The following CPPED1 variants were observed in gnomAD, a reference collection of about 807,000 sequenced individuals.
CPPED1 encodes serine/threonine-protein phosphatase CPPED1.
In CPPED1, 28 loss-of-function variants were observed where a neutral mutation model predicts 28.0. The observed-to-expected ratio is 1.00, with a 90% CI of 0.74 to 1.37. CPPED1 has a LOEUF of 1.37. Among genes scored for constraint, CPPED1 ranks in the 40% most tolerant of loss-of-function variants. The pLI is 0.00. For synonymous variants in CPPED1, 198 were observed against 180.2 expected (o/e 1.10, Z -0.79); for missense variants, 504 against 416.5 (o/e 1.21, Z -1.83).
chr16:12,746,520 G>A (rs2080289461), intron 2 of CPPED1, among the ~76,000 whole-genome samples: 1 of 152,154 alleles, frequency 6.6e-6, no homozygotes, highest in African/African-American at 2.4e-5. Flanking sequence ...AAGGAAGGCT[G>A]GAAGCAGAAG....
intron 2 of CPPED1, among the ~76,000 whole-genome samples, chr16:12,744,708 T>C (rs1275851445): frequency 1.3e-5 from 2 of 152,114 alleles, no homozygotes; most frequent in African/African-American, 4.8e-5. Flanking sequence ...AAGCCAGGCG[T>C]GGTGACTCAC....
chr16:12,751,702 T>C (rs2141218879), intron 2 of CPPED1, among the ~76,000 whole-genome samples: 1 of 152,346 alleles, frequency 6.6e-6, no homozygotes. Flanking sequence ...CACATGCCCT[T>C]ATCCCTAACT....
At chr16:12,681,714 G>C (rs971611796) in intron 3 of CPPED1, among the ~76,000 whole-genome samples, 3 of 152,202 alleles carry the variant, frequency 2.0e-5, no homozygotes, top group East Asian at 1.9e-4. Flanking sequence ...AGAAAGAGTG[G>C]ATGGAAGAGG....
In CPPED1 at chr16:12,803,631, A is replaced by G. The variant is rs2080674307; in HGVS notation, c.70+76T>C. 9.5e-6 allele frequency: 12 copies of G among 1,268,952 alleles called. No individual in the cohort carries two copies. The South Asian group carries it at 1.3e-4, about 14-fold the overall frequency. 78.6% of individuals were successfully genotyped at this position (1,268,952 alleles called of 1,614,324 possible). Reference sequence around the variant, plus strand: ...ATGGTGTCCGACTGGCGGAGCGCACACCTGAACAAAAGGTTCCCCCGGCGG... The same window carrying G: ...ATGGTGTCCGACTGGCGGAGCGCACGCCTGAACAAAAGGTTCCCCCGGCGG... On this transcript the variant is annotated intron_variant, in intron 1 of 3. Transcript: ENST00000381774.
intron 2 of CPPED1, among the ~76,000 whole-genome samples, chr16:12,776,995 T>A (rs754022507): frequency 1.3e-5 from 2 of 152,224 alleles, no homozygotes; most frequent in Non-Finnish European, 2.9e-5. Context: ...GAGGCAATTA[T>A]TCTTTTTGCT....
At chr16:12,745,740 G>C (rs1430150362) in intron 2 of CPPED1, 1 of 152,172 alleles carries the variant, frequency 6.6e-6, no homozygotes. Flanking sequence ...TGAATACCTG[G>C]GTGATGTCAT....
At chr16:12,680,478 G>C (rs992548668) in intron 3 of CPPED1, among the ~76,000 whole-genome samples, 2 of 152,124 alleles carry the variant, frequency 1.3e-5, no homozygotes, top group Non-Finnish European at 2.9e-5. Context: ...GGGAGGTCAG[G>C]AGAGTTCAGA....
In CPPED1 at chr16:12,705,053, G is replaced by T. The variant is rs2080042604; in HGVS notation, c.290-4C>A. ...TGCTCCGTCCGCCACGGCTTCCCTG[G>T]AAGAGTGAGGGTCACGTCCTGAGAA... On this transcript the variant is annotated splice_polypyrimidine_tract_variant and splice_region_variant and intron_variant, in intron 2 of 3. Coordinates refer to ENST00000381774, the MANE Select transcript of CPPED1 (RefSeq NM_018340.3). 6.2e-7 allele frequency: 1 copy of T among 1,603,140 alleles called. No homozygotes were observed. Among genetic ancestry groups the T allele is most frequent in the Non-Finnish European group, 8.5e-7 (1 of 1,172,460 alleles).
chr16:12,734,074 T>TG (rs1567290025), intron 2 of CPPED1, among the ~76,000 whole-genome samples: 1 of 125,388 alleles, frequency 8.0e-6, no homozygotes, highest in East Asian at 2.2e-4. Context: ...TTTTTTTTTT[T>TG]TTTTTTTTTT....
intron 2 of CPPED1, among the ~76,000 whole-genome samples, chr16:12,758,865 C>A (rs2080389745): frequency 6.6e-6 from 1 of 151,840 alleles, no homozygotes; most frequent in Non-Finnish European, 1.5e-5. Context: ...ATGACAACAG[C>A]AACAACAAAA....
chr16:12,676,767 T>A (rs1275062732), intron 3 of CPPED1, among the ~76,000 whole-genome samples: 1 of 151,970 alleles, frequency 6.6e-6, no homozygotes, highest in African/African-American at 2.4e-5. Flanking sequence ...ATAATAATAA[T>A]GATGATAATA....
chr16:12,707,037 C>G (rs551052153), intron 2 of CPPED1, among the ~76,000 whole-genome samples: 84 of 152,242 alleles, frequency 5.5e-4, no homozygotes, highest in African/African-American at 1.9e-3. Flanking sequence ...CTTCTTTAGC[C>G]GAACCCGGAC....
chr16:12,701,455 A>G (rs192438043), intron 3 of CPPED1, among the ~76,000 whole-genome samples: 21 of 152,226 alleles, frequency 1.4e-4, no homozygotes, highest in Admixed American at 1.0e-3. Flanking sequence ...AATCACTTGA[A>G]CTTGGGAGGT....
chr16:12,751,682 A>C (rs1405121188), intron 2 of CPPED1, among the ~76,000 whole-genome samples: 1 of 152,170 alleles, frequency 6.6e-6, no homozygotes, highest in Admixed American at 6.5e-5. Context: ...TGTTCTTTGC[A>C]TTTTCTTGTC....
rs559785734 is a variant in CPPED1, at chr16:12,690,513, C to G, written c.715+14111G>C. Among the ~76,000 whole-genome samples the G allele has an allele frequency of 2.8e-5, 4 of 145,452 alleles. No homozygotes were observed. The South Asian group carries it at 9.1e-4, about 33-fold the overall frequency. Reference sequence around the variant, plus strand: ...TGGGCAATAGCGCAAGACTCCTTCTCAAGAAAGAAAGAAAAAAAAAAGGCC... The same window carrying G: ...TGGGCAATAGCGCAAGACTCCTTCTGAAGAAAGAAAGAAAAAAAAAAGGCC... On this transcript the variant is annotated intron_variant, in intron 3 of 3. Transcript: ENST00000381774.
intron 2 of CPPED1, among the ~76,000 whole-genome samples, chr16:12,750,198 G>A (rs973171531): frequency 2.0e-5 from 3 of 152,144 alleles, no homozygotes; most frequent in East Asian, 1.9e-4. Flanking sequence ...TAGAGGAATC[G>A]CTAGCACTTG....
At chr16:12,716,254 C>T (rs767456282) in intron 2 of CPPED1, among the ~76,000 whole-genome samples, 6 of 152,224 alleles carry the variant, frequency 3.9e-5, no homozygotes, top group Non-Finnish European at 7.3e-5. Context: ...TTAGCGCTAA[C>T]GCTGGTGCTG....
Position 12,670,831 on chromosome 16 carries a change from A to AT in CPPED1, c.716-5717dup. Among the ~76,000 whole-genome samples the AT allele has an allele frequency of 6.6e-6, 1 of 152,236 alleles. No homozygotes were observed. Among genetic ancestry groups the AT allele is most frequent in the African/African-American group, 2.4e-5 (1 of 41,550 alleles). On this transcript the variant is annotated intron_variant, in intron 3 of 3. Transcript: ENST00000381774. The surrounding 1 kb of genome is among the most constrained non-coding windows in gnomAD (Gnocchi z 4.2). ...AAATGTAAATGATCCATGTGTTTTTATTTTTTTAATTATTTATTTATTTTT... is the reference window on the plus strand; with the variant it reads ...AAATGTAAATGATCCATGTGTTTTTATTTTTTTTAATTATTTATTTATTTTT...
In CPPED1 at chr16:12,779,127, G is replaced by A. The variant is rs773062783; in HGVS notation, c.289+2058C>T. ...TCAGAACAAGTTGGTAAACATCTAC[G>A]AGAACATGTTATATAATTCCAGTGA... On this transcript the variant is annotated intron_variant, in intron 2 of 3. Coordinates refer to ENST00000381774, the MANE Select transcript of CPPED1 (RefSeq NM_018340.3). 5.8e-4 allele frequency among the ~76,000 whole-genome samples: 88 copies of A among 152,092 alleles called. 2 individuals carry two copies. The highest frequency in any genetic ancestry group is 1.1e-3 in the Non-Finnish European group (77 of 68,008).
Sources: gnomAD v4.1 joint callset for allele counts (sites outside exome capture counted in the v4.1 genomes callset) on GRCh38, gnomAD v4.1.1 for gene constraint, Gnocchi (gnomAD v3.1) non-coding constraint, MANE v1.5 for transcripts, NCBI Gene and HGNC (gene_info 2026-07-23, HGNC 2026-07-21) for gene names.